The following JPH3 variants were observed in gnomAD, a reference collection of about 807,000 sequenced individuals.
JPH3 encodes junctophilin 3.
A neutral mutation model predicts 59.6 loss-of-function variants in JPH3; 11 were observed. That is an observed-to-expected ratio of 0.18 (90% CI 0.12 to 0.31). The LOEUF (loss-of-function observed/expected upper bound fraction) is 0.31. Ranked by LOEUF, JPH3 falls within the 10% of genes least tolerant of loss-of-function variation. The pLI is 1.00. For synonymous variants in JPH3, 673 were observed against 483.6 expected (o/e 1.39, Z -5.14); for missense variants, 1,202 against 1,105.7 (o/e 1.09, Z -1.24).
intron 2 of JPH3, among the ~76,000 whole-genome samples, chr16:87,656,796 C>A (rs890186554): frequency 1.3e-5 from 2 of 152,132 alleles, no homozygotes; most frequent in Non-Finnish European, 2.9e-5. Flanking sequence ...TAACAAAATA[C>A]GATAGAGTGG....
rs765618468 is a variant in JPH3, at chr16:87,690,466, A to T, written c.2106A>T (p.Lys702Asn). 5 of 1,487,782 alleles carry T rather than the reference A, an allele frequency of 3.4e-6. No homozygotes were observed. In the Admixed American group the frequency reaches 1.2e-4, roughly 37 times the overall value. The allele number at this position is 1,487,782 out of a possible 1,614,324, so 92.2% of individuals were successfully genotyped here. Residue 702 changes from lysine to asparagine, a missense_variant, in exon 4 of 5, where the codon AAA (lysine) becomes AAT (asparagine). Lys to Asn is a moderately conservative substitution (Grantham distance 94). Transcript: ENST00000284262. ...RWDLTFSPPQ[K>N]SLPVALESDE... Reference sequence around the variant, plus strand: ...ACTTGACCTTCTCCCCGCCCCAGAAATCCTTGCCTGTCGCTCTAGAGTCCG... The same window carrying T: ...ACTTGACCTTCTCCCCGCCCCAGAATTCCTTGCCTGTCGCTCTAGAGTCCG...
At chr16:87,649,104 C>T (rs548150939) in intron 2 of JPH3, among the ~76,000 whole-genome samples, 9 of 152,258 alleles carry the variant, frequency 5.9e-5, no homozygotes, top group South Asian at 4.2e-4. Context: ...CAGGAGGTTC[C>T]GTCTGGGTGA....
In JPH3 at chr16:87,644,860, C is replaced by T. The variant is rs1319951040; in HGVS notation, c.985C>T (p.Pro329Ser). 6 of 1,613,462 alleles carry T rather than the reference C, an allele frequency of 3.7e-6. No homozygotes were observed. The highest frequency in any genetic ancestry group is 4.2e-6 in the Non-Finnish European group (5 of 1,179,922). ...RRHGYGCMTFPDGTKEEGKYK... is the reference protein window; with the variant it reads ...RRHGYGCMTFSDGTKEEGKYK... ...CCATGGCTACGGCTGCATGACCTTC[C>T]CGGACGGCACCAAGGAGGAGGGCAA... Residue 329 changes from proline (P) to serine (S), a missense_variant, in exon 2 of 5, where the codon CCG becomes TCG. Physicochemically the swap from Pro to Ser is moderately conservative, Grantham distance 74. Coordinates refer to ENST00000284262, the MANE Select transcript of JPH3 (RefSeq NM_020655.4).
intron 1 of JPH3, among the ~76,000 whole-genome samples, chr16:87,631,694 C>G (rs1433407623): frequency 6.6e-6 from 1 of 152,144 alleles, no homozygotes. Flanking sequence ...TTCTAGAACT[C>G]CTGCTGTTTA....
intron 2 of JPH3, among the ~76,000 whole-genome samples, chr16:87,678,519 G>A (rs190162868): frequency 6.9e-4 from 105 of 152,200 alleles, no homozygotes; most frequent in African/African-American, 2.3e-3. Flanking sequence ...AGTGTGGACA[G>A]CAGAGCCAGA....
At chr16:87,675,314 C>G (rs1306824529) in intron 2 of JPH3, among the ~76,000 whole-genome samples, 1 of 152,046 alleles carries the variant, frequency 6.6e-6, no homozygotes, top group East Asian at 1.9e-4. Flanking sequence ...TTCCTTTGGG[C>G]TGATGCTGAG....
At chr16:87,641,551 A>C (rs1222851398) in intron 1 of JPH3, among the ~76,000 whole-genome samples, 1 of 152,176 alleles carries the variant, frequency 6.6e-6, no homozygotes, top group Non-Finnish European at 1.5e-5. Flanking sequence ...CTCTGCTGCC[A>C]CGTCCTTCTT....
At chr16:87,621,551 T>C (rs1248075622) in intron 1 of JPH3, among the ~76,000 whole-genome samples, 1 of 152,174 alleles carries the variant, frequency 6.6e-6, no homozygotes, top group Non-Finnish European at 1.5e-5. Context: ...GATTCTCCTC[T>C]GAGAGAAACA....
chr16:87,603,419 C>T lies in JPH3; in HGVS notation c.273C>T (p.Phe91=), dbSNP rs745661464. Residue 91 remains phenylalanine, a synonymous_variant, in exon 1 of 5, where the codon TTC becomes TTT. Transcript: ENST00000284262. ...ACAAGGGCGAGTGGACGCACGGATT[C>T]AAGGGGCGCTACGGGGTGCGGGAGT... The part of the protein sequence containing the change: ...WVYKGEWTHG[F]KGRYGVRECA... 1.9e-6 allele frequency: 3 copies of T among 1,584,488 alleles called. No individual in the cohort carries two copies. Among genetic ancestry groups the T allele is most frequent in the East Asian group, 2.3e-5 (1 of 42,750 alleles).
intron 4 of JPH3, 84 bp from the exon 5 acceptor site, chr16:87,696,496 T>C: frequency 8.8e-7 from 1 of 1,139,460 alleles, no homozygotes. Context: ...GCTAGCTTGG[T>C]GAAAAGACGT....
At position 87,690,380 on chromosome 16, in the gene JPH3, G is replaced by A. The variant is rs762420821; in HGVS notation, c.2020G>A (p.Ala674Thr). 1.1e-5 allele frequency: 17 copies of A among 1,531,296 alleles called. No individual in the cohort carries two copies. Among genetic ancestry groups the A allele is most frequent in the Non-Finnish European group, 1.3e-5 (15 of 1,141,522 alleles). The allele number at this position is 1,531,296 out of a possible 1,614,324, so 94.9% of individuals were successfully genotyped here. The stretch of plus-strand genomic sequence containing the variant: ...CAGGCCGGCCTCCTCCGCGGAGCCC[G>A]CCGTGCAGAAACTGGCGAGCCTGCG... ...NFRPASSAEPAVQKLASLRLG... is the reference protein window; with the variant it reads ...NFRPASSAEPTVQKLASLRLG... The change falls in exon 4 of 5, where the codon GCC becomes ACC. Residue 674 changes from alanine (A) to threonine (T), a missense_variant. Ala to Thr is a moderately conservative substitution (Grantham distance 58). Coordinates refer to ENST00000284262, the MANE Select transcript of JPH3 (RefSeq NM_020655.4).
At chr16:87,605,504 G>A (rs375181473) in intron 1 of JPH3, among the ~76,000 whole-genome samples, 3 of 152,280 alleles carry the variant, frequency 2.0e-5, no homozygotes, top group Admixed American at 6.5e-5. Context: ...GAGAAGGAGC[G>A]GCGATTATGT....
intron 1 of JPH3, among the ~76,000 whole-genome samples, chr16:87,614,088 A>C (rs746717952): frequency 1.3e-5 from 2 of 152,224 alleles, no homozygotes; most frequent in Non-Finnish European, 2.9e-5. Context: ...AGGGGCAGAG[A>C]GGTTTCACTC....
intron 2 of JPH3, among the ~76,000 whole-genome samples, chr16:87,665,084 C>T (rs984985409): frequency 6.6e-6 from 1 of 152,240 alleles, no homozygotes; most frequent in African/African-American, 2.4e-5. Flanking sequence ...TCTTCCTTGC[C>T]GGAGCTCATC....
At chr16:87,627,230 C>T (rs546985276) in intron 1 of JPH3, among the ~76,000 whole-genome samples, 1 of 152,216 alleles carries the variant, frequency 6.6e-6, no homozygotes, top group African/African-American at 2.4e-5. Flanking sequence ...GTTAAACCCA[C>T]GTTGTGGGGC....
chr16:87,639,758 C>G (rs1217067464), intron 1 of JPH3, among the ~76,000 whole-genome samples: 1 of 152,174 alleles, frequency 6.6e-6, no homozygotes, highest in African/African-American at 2.4e-5. Flanking sequence ...AGTAGAATCC[C>G]ACAGGATTTG....
intron 2 of JPH3, among the ~76,000 whole-genome samples, chr16:87,660,799 G>A (rs900087046): frequency 2.6e-5 from 4 of 152,158 alleles, no homozygotes; most frequent in African/African-American, 9.7e-5. Context: ...ATATAAGGCT[G>A]GAGACAAACA....
chr16:87,680,683 G>A (rs567082970), intron 2 of JPH3, among the ~76,000 whole-genome samples: 5 of 152,280 alleles, frequency 3.3e-5, no homozygotes, highest in Non-Finnish European at 5.9e-5. Context: ...AGCCATAGGC[G>A]TCAGGAGCCA....
chr16:87,613,052 A>G (rs539038452), intron 1 of JPH3, among the ~76,000 whole-genome samples: 3 of 150,238 alleles, frequency 2.0e-5, no homozygotes, highest in African/African-American at 7.3e-5. Flanking sequence ...AATAAAGTAG[A>G]CTAGAAATTT....
Sources: gnomAD v4.1 joint callset for allele counts (sites outside exome capture counted in the v4.1 genomes callset) on GRCh38, gnomAD v4.1.1 for gene constraint, MANE v1.5 for transcripts, NCBI Gene and HGNC (gene_info 2026-07-23, HGNC 2026-07-21) for gene names.